The following PLEC variants were observed in gnomAD, a reference collection of about 807,000 sequenced individuals.
PLEC encodes plectin.
Under a neutral mutation model 392.8 loss-of-function variants are expected in PLEC, and 216 were observed. The ratio of observed to expected loss-of-function variants is 0.55; its 90% CI spans 0.49 to 0.62. PLEC has a LOEUF of 0.62. Among genes scored for constraint, PLEC ranks in the 20% least tolerant of loss-of-function variants. The pLI is 0.00. For synonymous variants in PLEC, 3,621 were observed against 2,980.6 expected (o/e 1.21, Z -7.00); for missense variants, 6,863 against 6,563.4 (o/e 1.05, Z -1.58).
In PLEC at chr8:143,921,589, C is replaced by G. The variant is rs1372441014; in HGVS notation, c.8232G>C (p.Arg2744=). 1 of 1,612,438 alleles carries G rather than the reference C, an allele frequency of 6.2e-7. No homozygotes were observed. The highest frequency in any genetic ancestry group is 8.5e-7 in the Non-Finnish European group (1 of 1,179,588). Residue 2744 remains arginine, a synonymous_variant, in exon 32 of 32, where the codon CGG becomes CGC. Coordinates refer to ENST00000345136, the MANE Select transcript of PLEC (RefSeq NM_201384.3). ...AASGFLLDPV[R]NRRLTVNEAV... is the part of the protein sequence containing the mutation. ...CCTCGTTGACGGTCAGCCGCCGGTTCCGCACAGGGTCCAGCAGGAAGCCTG... is the reference window on the plus strand; with the variant it reads ...CCTCGTTGACGGTCAGCCGCCGGTTGCGCACAGGGTCCAGCAGGAAGCCTG...
Position 143,973,502 on chromosome 8 carries a change from G to T in PLEC, c.-30C>A, listed in dbSNP as rs1156329995. 6.8e-7 allele frequency: 1 copy of T among 1,474,994 alleles called. No individual in the cohort carries two copies. Among genetic ancestry groups the T allele is most frequent in the South Asian group, 1.3e-5 (1 of 77,388 alleles). The allele number at this position is 1,474,994 out of a possible 1,614,324, so 91.4% of individuals were successfully genotyped here. On this transcript the variant is annotated 5_prime_UTR_variant, in exon 1 of 32. Coordinates refer to the PLEC transcript ENST00000356346. This position sits in a 1 kb window ranked among gnomAD's most constrained non-coding sequence, Gnocchi z 5.6. ...GCGGGCGCGGGGCGCGGGGTGCAGC[G>T]GAGCCTCCAGCACCCGGCGGCCACT...
upstream of PLEC, chr8:143,953,986 G>GGC: frequency 8.1e-7 from 1 of 1,231,338 alleles, no homozygotes; most frequent in Non-Finnish European, 1.1e-6. Context: ...CCCCCAGCCT[G>GGC]TGGTTCTGGG....
upstream of PLEC, chr8:143,953,919 A>G (rs559474186): frequency 2.8e-6 from 4 of 1,449,630 alleles, no homozygotes; most frequent in Admixed American, 7.7e-5. Context: ...CAGCTGATCA[A>G]TGCGCCGGAC....
chr8:143,946,008 G>A (rs1372004924), intron 1 of PLEC, among the ~76,000 whole-genome samples: 1 of 152,268 alleles, frequency 6.6e-6, no homozygotes, highest in Non-Finnish European at 1.5e-5. Context: ...GTGGGCAGGG[G>A]CCGACAGGCC....
intron 30 of PLEC, 56 bp from the exon 31 acceptor site, chr8:143,925,940 C>A (rs1023476496): frequency 2.0e-6 from 3 of 1,507,258 alleles, no homozygotes; most frequent in Non-Finnish European, 2.7e-6. Context: ...CACGGGCAGG[C>A]GCTGACGGGG....
chr8:143,927,966 C>T lies in PLEC; in HGVS notation c.3287G>A (p.Arg1096His), dbSNP rs375617818. 1.2e-4 allele frequency: 190 copies of T among 1,601,370 alleles called. 2 individuals are homozygous for T. The highest frequency in any genetic ancestry group is 1.0e-3 in the Admixed American group (61 of 59,572). ...EKLKTISLVI[R>H]GTQGAEEVLR... ...CACCTCCTCGGCCCCCTGCGTGCCG[C>T]GGATCACCAGGCTGATGGTCTTGAG... Residue 1096 changes from arginine to histidine, a missense_variant, in exon 26 of 32, where the codon CGC becomes CAC. By Grantham distance (29) the Arg-to-His change is conservative (BLOSUM62 0). Coordinates refer to ENST00000345136, the MANE Select transcript of PLEC (RefSeq NM_201384.3).
chr8:143,955,761 A>G (rs1236158686), upstream of PLEC, among the ~76,000 whole-genome samples: 2 of 151,100 alleles, frequency 1.3e-5, no homozygotes, highest in Admixed American at 1.3e-4. Context: ...CACCACTCCC[A>G]GTTCATCTTT....
rs200012425 is a variant in PLEC, at chr8:143,921,244, G to A, written c.8577C>T (p.His2859=). The A allele has an allele frequency of 4.3e-5, 69 of 1,614,114 alleles. No homozygotes were observed. Among genetic ancestry groups the A allele is most frequent in the African/African-American group, 8.0e-5 (6 of 75,062 alleles). The part of the protein sequence containing the change: ...DTKGFFDPNT[H]ENLTYLQLLE... ...GTAGCTGCAGGTACGTGAGGTTCTC[G>A]TGCGTGTTGGGGTCAAAGAAGCCCT... Residue 2859 remains histidine, a synonymous_variant, in exon 32 of 32, where the codon CAC becomes CAT. Coordinates refer to ENST00000345136, the MANE Select transcript of PLEC (RefSeq NM_201384.3).
upstream of PLEC, chr8:143,944,560 T>C (rs1831147131): frequency 3.9e-6 from 3 of 771,858 alleles, no homozygotes; most frequent in Admixed American, 4.0e-5. Context: ...ACAGCGCCCC[T>C]GGCCTCCAGC....
At chr8:143,952,204 ACACACGCGCGCACACACGCACGCG>A (rs1266038321), upstream of PLEC, among the ~76,000 whole-genome samples, 4 of 125,942 alleles carry the variant, frequency 3.2e-5, no homozygotes, top group African/African-American at 1.4e-4. Context: ...ACACACACAC[ACACACGCGCGCACACACGCACGCG>A]CACGCGCACG....
intron 30 of PLEC, among the ~76,000 whole-genome samples, chr8:143,926,469 C>T (rs1383884634): frequency 3.3e-5 from 5 of 152,210 alleles, no homozygotes; most frequent in Non-Finnish European, 2.9e-5. Flanking sequence ...AAGGGTTGAG[C>T]GGAAAGGCCA....
At position 143,930,491 on chromosome 8, in the gene PLEC, G is replaced by C. The variant is rs1554714022; in HGVS notation, c.2350C>G (p.Leu784Val). 2 of 1,596,312 alleles carry C rather than the reference G, an allele frequency of 1.3e-6. No individual in the cohort carries two copies. The highest frequency in any genetic ancestry group is 1.1e-5 in the South Asian group (1 of 88,744). Residue 784 changes from leucine to valine, a missense_variant, in exon 20 of 32, where the codon CTG becomes GTG. Coordinates refer to ENST00000345136, the MANE Select transcript of PLEC (RefSeq NM_201384.3). ...ACGACGGCCTTGGCCCGCTTGGCCAGGCCTGAGAGGTGGCCCTTGTACTCG... is the reference window on the plus strand; with the variant it reads ...ACGACGGCCTTGGCCCGCTTGGCCACGCCTGAGAGGTGGCCCTTGTACTCG... ...LNEYKGHLSG[L>V]AKRAKAVVQL...
intron 1 of PLEC, chr8:143,946,241 C>T (rs1370133322): frequency 7.5e-6 from 6 of 797,328 alleles, no homozygotes; most frequent in African/African-American, 1.8e-5. Context: ...ATCCCTGCAT[C>T]CCAGGTCTGA....
Position 143,927,780 on chromosome 8 carries a change from G to A in PLEC, c.3400-14C>T, listed in dbSNP as rs782388454. 6 of 1,599,042 alleles carry A rather than the reference G, an allele frequency of 3.8e-6. No homozygotes were observed. The highest frequency in any genetic ancestry group is 4.3e-6 in the Non-Finnish European group (5 of 1,173,496). Reference sequence around the variant, plus strand: ...GGCCCGCAGCTTCTGTTGGGGACAGGAGGGACATGTGCGGCTTCAGCTGGG... The same window carrying A: ...GGCCCGCAGCTTCTGTTGGGGACAGAAGGGACATGTGCGGCTTCAGCTGGG... On this transcript the variant is annotated splice_polypyrimidine_tract_variant and intron_variant, in intron 26 of 31. Coordinates refer to ENST00000345136, the MANE Select transcript of PLEC (RefSeq NM_201384.3).
At chr8:143,943,812 G>A (rs782233203), upstream of PLEC, 51 of 1,612,226 alleles carry the variant, frequency 3.2e-5, no homozygotes, top group East Asian at 4.9e-4. Flanking sequence ...CGTCCCCTGC[G>A]CCAGTGCCAC....
rs576710531 is a variant in PLEC, at chr8:143,929,478, C to T, written c.3017G>A (p.Arg1006His). 6.2e-6 allele frequency: 10 copies of T among 1,602,528 alleles called. No homozygotes were observed. The highest frequency in any genetic ancestry group is 2.7e-5 in the African/African-American group (2 of 74,900). Residue 1006 changes from arginine (R) to histidine (H), a missense_variant, in exon 24 of 32, where the codon CGC (arginine) becomes CAC (histidine). Coordinates refer to ENST00000345136, the MANE Select transcript of PLEC (RefSeq NM_201384.3). ...LEACETRTVH[R>H]LRLPLDKEPA... ...CTCTTTGTCCAGCGGCAGCCGCAGG[C>T]GGTGCACGGTGCGCGTCTCACAGGC... is the stretch of plus-strand genomic sequence containing the variant.
chr8:143,938,018 C>A (rs1829505471), intron 3 of PLEC, 133 bp downstream of exon 3: 1 of 686,972 alleles, frequency 1.5e-6, no homozygotes, highest in African/African-American at 1.8e-5. Context: ...CAGCCTGCCC[C>A]CAGGGAGAAG....
At chr8:143,934,205 G>A (rs1462809210) in intron 11 of PLEC, 113 bp downstream of exon 11, 10 of 1,592,888 alleles carry the variant, frequency 6.3e-6, no homozygotes, top group Non-Finnish European at 7.7e-6. Context: ...ACTGTCCTAA[G>A]GCGAGTGGGA....
intron 11 of PLEC, 62 bp from the exon 12 acceptor site, chr8:143,934,153 A>G (rs963390223): frequency 6.3e-7 from 1 of 1,592,180 alleles, no homozygotes; most frequent in African/African-American, 1.3e-5. Flanking sequence ...CTGGCCACAG[A>G]CTGCAGCTCG....
Sources: allele counts gnomAD v4.1 joint callset (sites outside exome capture counted in the v4.1 genomes callset), GRCh38; gene constraint gnomAD v4.1.1; non-coding constraint Gnocchi (gnomAD v3.1); transcripts MANE v1.5; gene names NCBI Gene and HGNC (gene_info 2026-07-23, HGNC 2026-07-21).